Variants in NR2E1 observed in about 807,000 individuals in gnomAD.
The protein encoded by NR2E1 is nuclear receptor TLX.
A neutral mutation model predicts 43.6 loss-of-function variants in NR2E1; 5 were observed. The observed-to-expected ratio is 0.11, with a 90% confidence interval of 0.06 to 0.24. The LOEUF (loss-of-function observed/expected upper bound fraction) is 0.24, where lower values mean the gene tolerates loss of function less well. Ranked by LOEUF, NR2E1 falls within the 10% of genes least tolerant of loss-of-function variation. The probability of loss-of-function intolerance (pLI) is 1.00; values close to 1 mark genes in which losing one functional copy is unlikely to be tolerated. For missense variants in NR2E1, 287 were observed against 496.7 expected (o/e 0.58, Z 4.01); for synonymous variants, 191 against 195.5 (o/e 0.98, Z 0.19).
chr6:108,173,452 C>T (rs1048785798), intron 2 of NR2E1, among the ~76,000 whole-genome samples: 7 of 152,092 alleles, frequency 4.6e-5, no homozygotes, highest in African/African-American at 1.4e-4. Flanking sequence ...AAATTATATT[C>T]CAATTTATTA....
At chr6:108,176,833 C>G in intron 4 of NR2E1, 95 bp downstream of exon 4, 1 of 1,220,778 alleles carries the variant, frequency 8.2e-7, no homozygotes, top group East Asian at 2.5e-5. Context: ...GTCAGGCAAA[C>G]TGGGGAGAGA....
At chr6:108,185,504 A>T (rs1202086568) in intron 8 of NR2E1, among the ~76,000 whole-genome samples, 1 of 151,940 alleles carries the variant, frequency 6.6e-6, no homozygotes, top group Non-Finnish European at 1.5e-5. Flanking sequence ...TCTGCCTCTG[A>T]GGCTCAAGCA....
intron 2 of NR2E1, among the ~76,000 whole-genome samples, chr6:108,174,414 G>T (rs1235814051): frequency 6.6e-6 from 1 of 152,140 alleles, no homozygotes; most frequent in Non-Finnish European, 1.5e-5. Flanking sequence ...AGCTCTTAAC[G>T]GAAGGAACTT....
rs1773773704 is a variant in NR2E1 at position 108,169,756 on chromosome 6, G to A, written c.26-1702G>A. 1.3e-5 allele frequency among the ~76,000 whole-genome samples: 2 copies of A among 152,070 alleles called. No individual in the cohort carries two copies. Among genetic ancestry groups the A allele is most frequent in the South Asian group, 4.2e-4 (2 of 4,812 alleles). On this transcript the variant is annotated intron_variant, in intron 1 of 8. Transcript: ENST00000368986. The surrounding 1 kb of genome is among the most constrained non-coding windows in gnomAD (Gnocchi z 6.1). The stretch of plus-strand genomic sequence containing the variant: ...CCCTCTCCAGCCCCTCCCTCCCACA[G>A]CACAATCTCCCCTCCCGCCCTGTGG...
In NR2E1 at chr6:108,178,231, T is replaced by C; in HGVS notation, c.632T>C (p.Leu211Ser). 6.2e-7 allele frequency: 1 copy of C among 1,614,106 alleles called. No homozygotes were observed. Among genetic ancestry groups the C allele is most frequent in the Admixed American group, 1.7e-5 (1 of 60,016 alleles). Residue 211 changes from leucine to serine, a missense_variant, in exon 5 of 9, where the codon TTG (leucine) becomes TCG (serine). This residue lies in a region of NR2E1 where 119 missense variants were observed against 155.7 expected (regional missense o/e 0.76). Transcript: ENST00000368986. ...KSVPAFSTLS[L>S]QDQLMLLEDA... Reference sequence around the variant, plus strand: ...GTGCCAGCCTTCTCCACGCTGTCTTTGCAAGACCAGGTATGACCACACTGA... The same window carrying C: ...GTGCCAGCCTTCTCCACGCTGTCTTCGCAAGACCAGGTATGACCACACTGA...
chr6:108,186,822 G>C (rs943631257), intron 8 of NR2E1, among the ~76,000 whole-genome samples: 1 of 152,254 alleles, frequency 6.6e-6, no homozygotes, highest in Admixed American at 6.5e-5. Flanking sequence ...TCCTGAGAGA[G>C]ACTAAGTATA....
rs1774115281 is a variant in NR2E1, at chr6:108,188,600, A to G, written c.*1137A>G. Reference sequence around the variant, plus strand: ...CTTTGGTATGACTCTATACTTATGGAAATGTAGAAACAAACATTTTTAAAT... The same window carrying G: ...CTTTGGTATGACTCTATACTTATGGGAATGTAGAAACAAACATTTTTAAAT... On this transcript the variant is annotated 3_prime_UTR_variant, in exon 9 of 9. Coordinates refer to ENST00000368986, the MANE Select transcript of NR2E1 (RefSeq NM_003269.5). The G allele has an allele frequency of 6.6e-6, 1 of 152,076 alleles. No individual in the cohort carries two copies. The highest frequency in any genetic ancestry group is 2.1e-4 in the South Asian group (1 of 4,826). 9.4% of individuals were successfully genotyped at this position (152,076 alleles called of 1,614,324 possible). A position where few individuals can be genotyped will look rare whatever the true frequency, so the allele number is the denominator to read the frequency against.
chr6:108,166,104 C>G lies in NR2E1; in HGVS notation c.-662C>G, dbSNP rs547894993. 13 of 152,892 alleles carry G rather than the reference C, an allele frequency of 8.5e-5. No individual in the cohort carries two copies. The highest frequency in any genetic ancestry group is 3.1e-4 in the African/African-American group (13 of 41,596). 9.5% of individuals were successfully genotyped at this position (152,892 alleles called of 1,614,324 possible). On this transcript the variant is annotated 5_prime_UTR_variant, in exon 1 of 9. Coordinates refer to ENST00000368986, the MANE Select transcript of NR2E1 (RefSeq NM_003269.5). This position sits in a 1 kb window ranked among gnomAD's most constrained non-coding sequence, Gnocchi z 7.2. ...GCCCGCAGCGACAGGCACAAAGTCA[C>G]GGGGTAATGAACTTCGGGGACCCTT...
At chr6:108,173,701 C>T (rs1009211455) in intron 2 of NR2E1, among the ~76,000 whole-genome samples, 1 of 152,204 alleles carries the variant, frequency 6.6e-6, no homozygotes, top group Non-Finnish European at 1.5e-5. Flanking sequence ...CTTCTCACTA[C>T]AAATCTAACA....
intron 2 of NR2E1, among the ~76,000 whole-genome samples, chr6:108,173,622 T>C (rs1175400989): frequency 1.3e-5 from 2 of 152,226 alleles, no homozygotes; most frequent in African/African-American, 4.8e-5. Context: ...AAAAACATAC[T>C]TACTCCAACT....
chr6:108,187,472 G>T lies in NR2E1; in HGVS notation c.*9G>T. 6.2e-7 allele frequency: 1 copy of T among 1,613,974 alleles called. No homozygotes were observed. The highest frequency in any genetic ancestry group is 8.5e-7 in the Non-Finnish European group (1 of 1,179,936). ...AATCCAGTGATATCTAAGCTCACAAGATACCCACTTTTCAGGATGGGACAG... is the reference window on the plus strand; with the variant it reads ...AATCCAGTGATATCTAAGCTCACAATATACCCACTTTTCAGGATGGGACAG... On this transcript the variant is annotated 3_prime_UTR_variant, in exon 9 of 9. Coordinates refer to ENST00000368986, the MANE Select transcript of NR2E1 (RefSeq NM_003269.5).
In NR2E1 at chr6:108,180,740, C is replaced by A; in HGVS notation, c.740-67C>A. 6.6e-7 allele frequency: 1 copy of A among 1,508,330 alleles called. No homozygotes were observed. Among genetic ancestry groups the A allele is most frequent in the Non-Finnish European group, 9.2e-7 (1 of 1,085,940 alleles). 93.4% of individuals were successfully genotyped at this position (1,508,330 alleles called of 1,614,324 possible). A position where few individuals can be genotyped will look rare whatever the true frequency, so the allele number is the denominator to read the frequency against. On this transcript the variant is annotated intron_variant, in intron 6 of 8. Transcript: ENST00000368986. This position sits in a 1 kb window ranked among gnomAD's most constrained non-coding sequence, Gnocchi z 5.4. ...TAGATATTGATATGCAGGATTTTGT[C>A]AAAAATCAATATTAAATCATGAAAA... is the stretch of plus-strand genomic sequence containing the variant.
At chr6:108,187,256 A>G in intron 8 of NR2E1, 45 bp from the exon 9 acceptor site, 1 of 1,609,378 alleles carries the variant, frequency 6.2e-7, no homozygotes. Context: ...TAGTTTCCAT[A>G]AGTAATGGCC....
At chr6:108,173,779 C>T (rs1198275816) in intron 2 of NR2E1, among the ~76,000 whole-genome samples, 1 of 152,142 alleles carries the variant, frequency 6.6e-6, no homozygotes, top group African/African-American at 2.4e-5. Flanking sequence ...AAAACTCATG[C>T]ACATGACTCT....
At position 108,166,868 on chromosome 6, in the gene NR2E1, G is replaced by C; in HGVS notation, c.25+78G>C. 1 of 1,428,982 alleles carries C rather than the reference G, an allele frequency of 7.0e-7. No homozygotes were observed. The allele number at this position is 1,428,982 out of a possible 1,614,324, so 88.5% of individuals were successfully genotyped here. ...GAGCGGGGAGGCTGGGGGAGGTCCT[G>C]CCTGGAGCGCTGCGAATCTGAGCCC... is the stretch of plus-strand genomic sequence containing the variant. On this transcript the variant is annotated intron_variant, in intron 1 of 8. Coordinates refer to ENST00000368986, the MANE Select transcript of NR2E1 (RefSeq NM_003269.5). The surrounding 1 kb of genome is among the most constrained non-coding windows in gnomAD (Gnocchi z 7.2).
At chr6:108,167,709 A>G (rs2114668592) in intron 1 of NR2E1, among the ~76,000 whole-genome samples, 1 of 152,114 alleles carries the variant, frequency 6.6e-6, no homozygotes, top group Middle Eastern at 3.4e-3. Context: ...GCTGGGGACT[A>G]CCGTTGCCGC....
At chr6:108,177,691 C>T in intron 4 of NR2E1, among the ~76,000 whole-genome samples, 1 of 152,226 alleles carries the variant, frequency 6.6e-6, no homozygotes, top group East Asian at 1.9e-4. Flanking sequence ...TAAAAATACT[C>T]ATATGCATAT....
At chr6:108,186,350 A>C (rs1170790404) in intron 8 of NR2E1, among the ~76,000 whole-genome samples, 1 of 152,076 alleles carries the variant, frequency 6.6e-6, no homozygotes, top group African/African-American at 2.4e-5. Flanking sequence ...GACAAGCATG[A>C]AAGTTGCTCC....
rs954283803 is a variant in NR2E1, at chr6:108,180,171, T to C, written c.643-152T>C. 2 of 620,392 alleles carry C rather than the reference T, an allele frequency of 3.2e-6. No individual in the cohort carries two copies. The highest frequency in any genetic ancestry group is 5.7e-6 in the Non-Finnish European group (2 of 351,794). 38.4% of individuals were successfully genotyped at this position (620,392 alleles called of 1,614,324 possible). A position where few individuals can be genotyped will look rare whatever the true frequency, so the allele number is the denominator to read the frequency against. On this transcript the variant is annotated intron_variant, in intron 5 of 8. Transcript: ENST00000368986. This position sits in a 1 kb window ranked among gnomAD's most constrained non-coding sequence, Gnocchi z 5.4. ...TAGGCACCTTTTCAAAAGGAAAATA[T>C]GGGAAAATAAGGGAAAGCTAGAATA...
Sources: gnomAD v4.1 joint callset for allele counts (sites outside exome capture counted in the v4.1 genomes callset) on GRCh38, gnomAD v4.1.1 for gene constraint, gnomAD v4.1.1 regional missense constraint, Gnocchi (gnomAD v3.1) non-coding constraint, MANE v1.5 for transcripts, NCBI Gene and HGNC (gene_info 2026-07-23, HGNC 2026-07-21) for gene names.